Variants in DNAH8 observed in about 807,000 individuals in gnomAD.
DNAH8 encodes axonemal beta dynein heavy chain 8.
A neutral mutation model predicts 562.1 loss-of-function variants in DNAH8; 382 were observed. The observed-to-expected ratio is 0.68, with a 90% confidence interval of 0.63 to 0.74. The LOEUF (loss-of-function observed/expected upper bound fraction) is 0.74. Ranked by LOEUF, DNAH8 falls within the 30% of genes least tolerant of loss-of-function variation. DNAH8 has a pLI of 0.00. For missense variants in DNAH8, 5,203 were observed against 5,620.4 expected (o/e 0.93, Z 2.37); for synonymous variants, 1,881 against 1,919.4 (o/e 0.98, Z 0.52).
chr6:38,945,686 A>T, intron 80 of DNAH8, 98 bp downstream of exon 80: 1 of 1,496,698 alleles, frequency 6.7e-7, no homozygotes, highest in Non-Finnish European at 9.1e-7. Flanking sequence ...TCCTTCACCC[A>T]AAAAAGTCAA....
At chr6:38,873,744 A>T (rs966745477) in intron 52 of DNAH8, among the ~76,000 whole-genome samples, 1 of 95,132 alleles carries the variant, frequency 1.1e-5, no homozygotes, top group East Asian at 7.4e-4. Context: ...ACACACACAC[A>T]CACACACACA....
At chr6:38,715,950 ATATATATATATTT>A (rs1481203929) in intron 1 of DNAH8, among the ~76,000 whole-genome samples, 2 of 31,252 alleles carry the variant, frequency 6.4e-5, no homozygotes, top group Non-Finnish European at 1.1e-4. Context: ...ATATATATAT[ATATATATATATTT>A]TTTTTTTTTT....
At position 39,012,649 on chromosome 6, in the gene DNAH8, TAGG is replaced by T. The variant is rs1561975397; in HGVS notation, c.13714+15_13714+17del. ...CTTTAATCCCCAAGGTATGTGCTCATAGGAGATTTGGCAAGCTTGGAATTTGTG... is the reference window on the plus strand; with the variant it reads ...CTTTAATCCCCAAGGTATGTGCTCATAGATTTGGCAAGCTTGGAATTTGTG... On this transcript the variant is annotated intron_variant, in intron 91 of 92. Transcript: ENST00000327475. 6.2e-7 allele frequency: 1 copy of T among 1,606,684 alleles called. No individual in the cohort carries two copies. Among genetic ancestry groups the T allele is most frequent in the South Asian group, 1.1e-5 (1 of 90,916 alleles).
At chr6:39,024,070 A>C (rs1283355492) in intron 91 of DNAH8, among the ~76,000 whole-genome samples, 1 of 152,206 alleles carries the variant, frequency 6.6e-6, no homozygotes, top group Non-Finnish European at 1.5e-5. Flanking sequence ...ATGATGGCTT[A>C]AGTCTTTGTA....
chr6:38,832,035 C>G (rs760861626), intron 30 of DNAH8, among the ~76,000 whole-genome samples: 1 of 152,032 alleles, frequency 6.6e-6, no homozygotes, highest in African/African-American at 2.4e-5. Context: ...AACATGTGAC[C>G]CAGACCATGC....
At chr6:38,835,640 G>A (rs1174984749) in intron 32 of DNAH8, among the ~76,000 whole-genome samples, 6 of 152,084 alleles carry the variant, frequency 3.9e-5, no homozygotes, top group Admixed American at 6.5e-5. Context: ...ACAAAGGCCC[G>A]GCAGAGAGGA....
chr6:38,752,166 C>A (rs1172653105), intron 9 of DNAH8, among the ~76,000 whole-genome samples: 1 of 151,146 alleles, frequency 6.6e-6, no homozygotes, highest in Non-Finnish European at 1.5e-5. Flanking sequence ...CCTTCCTCCC[C>A]CCACCCCACC....
chr6:38,952,622 G>T (rs117905422), intron 82 of DNAH8, among the ~76,000 whole-genome samples: 2 of 152,088 alleles, frequency 1.3e-5, no homozygotes, highest in Non-Finnish European at 2.9e-5. Context: ...TCATGTCCAC[G>T]TACTAGCCAC....
At chr6:38,820,657 A>G (rs1045476476) in intron 26 of DNAH8, among the ~76,000 whole-genome samples, 5 of 152,248 alleles carry the variant, frequency 3.3e-5, no homozygotes, top group Non-Finnish European at 5.9e-5. Context: ...CCAGCAGTGT[A>G]TAAAAAGTGT....
intron 77 of DNAH8, among the ~76,000 whole-genome samples, chr6:38,937,174 G>C (rs1783041150): frequency 6.6e-6 from 1 of 151,688 alleles, no homozygotes; most frequent in Admixed American, 6.6e-5. Context: ...TGGACACAGG[G>C]AGGGGAACAT....
At chr6:38,967,384 A>T (rs1270248418) in intron 82 of DNAH8, among the ~76,000 whole-genome samples, 1 of 152,184 alleles carries the variant, frequency 6.6e-6, no homozygotes, top group Non-Finnish European at 1.5e-5. Flanking sequence ...ATAAAAAATT[A>T]TAAGTTGTTT....
At chr6:39,018,865 A>C (rs1407426889) in intron 91 of DNAH8, among the ~76,000 whole-genome samples, 1 of 152,176 alleles carries the variant, frequency 6.6e-6, no homozygotes, top group Admixed American at 6.5e-5. Flanking sequence ...TTCAACAAGA[A>C]GACTGTTGGC....
chr6:38,819,351 A>C (rs1772604275), intron 26 of DNAH8, among the ~76,000 whole-genome samples: 1 of 152,178 alleles, frequency 6.6e-6, no homozygotes, highest in Non-Finnish European at 1.5e-5. Context: ...AGAGAGGACT[A>C]ATCTATTGGT....
chr6:38,851,441 G>GT, intron 38 of DNAH8, 131 bp from the exon 39 acceptor site: 1 of 595,526 alleles, frequency 1.7e-6, no homozygotes, highest in South Asian at 2.1e-5. Context: ...CATTGCAGGG[G>GT]TAGGTGATAA....
At chr6:38,819,611 T>C (rs1047562190) in intron 26 of DNAH8, among the ~76,000 whole-genome samples, 1 of 152,134 alleles carries the variant, frequency 6.6e-6, no homozygotes, top group African/African-American at 2.4e-5. Context: ...AAGCCCACTA[T>C]TATCATTTTT....
rs113555405 is a variant in DNAH8 at position 38,910,415 on chromosome 6, C to T, written c.9740+671C>T. On this transcript the variant is annotated intron_variant, in intron 65 of 92. Transcript: ENST00000327475. ...TTCTGCATAGAGAGTTTGCGTAACA[C>T]TTTCATTGATTTTCAGTGAGGTTCC... Among the ~76,000 whole-genome samples the T allele has an allele frequency of 1.8e-4, 28 of 152,316 alleles. 1 individual carries two copies. Among genetic ancestry groups the T allele is most frequent in the African/African-American group, 6.5e-4 (27 of 41,572 alleles).
rs186594226 is a variant in DNAH8 at position 38,975,709 on chromosome 6, A to T, written c.12834+1180A>T. 6.6e-5 allele frequency among the ~76,000 whole-genome samples: 10 copies of T among 152,324 alleles called. No homozygotes were observed. In the East Asian group the frequency reaches 1.9e-3, roughly 29 times the overall value. On this transcript the variant is annotated intron_variant, in intron 85 of 92. Coordinates refer to ENST00000327475, the MANE Select transcript of DNAH8 (RefSeq NM_001206927.2). ...GATTGTCAATTACAGCTTTCAAGTC[A>T]CAGAAGCCTATTTCATACATTCTTA... is the stretch of plus-strand genomic sequence containing the variant.
At chr6:38,899,942 G>A (rs1386343266) in intron 62 of DNAH8, 36 bp downstream of exon 62, 5 of 1,474,536 alleles carry the variant, frequency 3.4e-6, no homozygotes, top group Non-Finnish European at 4.5e-6. Context: ...TTTTTCTATA[G>A]TTAATTTCTC....
intron 82 of DNAH8, among the ~76,000 whole-genome samples, chr6:38,960,323 G>T (rs1404176953): frequency 6.6e-6 from 1 of 151,230 alleles, no homozygotes; most frequent in Non-Finnish European, 1.5e-5. Flanking sequence ...ACATAGTAAA[G>T]ACATAACCTA....
Sources: allele counts gnomAD v4.1 joint callset (sites outside exome capture counted in the v4.1 genomes callset), GRCh38; gene constraint gnomAD v4.1.1; transcripts MANE v1.5; gene names NCBI Gene and HGNC (gene_info 2026-07-23, HGNC 2026-07-21).